LGR6: variants seen among roughly 807,000 people sequenced by gnomAD.
LGR6 encodes leucine-rich repeat-containing G protein-coupled receptor 6.
LGR6 carries 45 observed loss-of-function variants against 69.4 expected under a neutral mutation model. That is an observed-to-expected ratio of 0.65 (90% confidence interval 0.51 to 0.83). The LOEUF (loss-of-function observed/expected upper bound fraction) is 0.83, where lower values mean the gene tolerates loss of function less well. Ranked by LOEUF, LGR6 falls within the 40% of genes least tolerant of loss-of-function variation. The pLI, the probability that LGR6 is intolerant of heterozygous loss-of-function variation, is 0.00. For missense variants in LGR6, 1,108 were observed against 1,246.7 expected (o/e 0.89, Z 1.68); for synonymous variants, 538 against 555.0 (o/e 0.97, Z 0.43).
At chr1:202,306,200 A>G (rs1653172960) in intron 12 of LGR6, among the ~76,000 whole-genome samples, 1 of 152,206 alleles carries the variant, frequency 6.6e-6, no homozygotes, top group African/African-American at 2.4e-5. Context: ...TTACACACAG[A>G]CATACATAAT....
At chr1:202,316,603 T>A (rs1036615670) in intron 17 of LGR6, among the ~76,000 whole-genome samples, 5 of 152,210 alleles carry the variant, frequency 3.3e-5, no homozygotes, top group African/African-American at 1.2e-4. Context: ...TATGTATGTA[T>A]TTTTTAAAGA....
chr1:202,276,232 TG>T, intron 4 of LGR6, 73 bp from the exon 5 acceptor site: 2 of 1,281,714 alleles, frequency 1.6e-6, no homozygotes, highest in Non-Finnish European at 2.2e-6. Context: ...AGGGCCTGGC[TG>T]GCCCAGTCTA....
intron 6 of LGR6, among the ~76,000 whole-genome samples, chr1:202,291,380 G>A (rs1437562587): frequency 6.6e-6 from 1 of 152,216 alleles, no homozygotes; most frequent in African/African-American, 2.4e-5. Context: ...ATCCTGCAAT[G>A]AAAGATACAC....
chr1:202,237,596 G>C (rs975372217), intron 4 of LGR6, among the ~76,000 whole-genome samples: 1 of 152,074 alleles, frequency 6.6e-6, no homozygotes, highest in African/African-American at 2.4e-5. Flanking sequence ...ACTAGGCATG[G>C]AGCTTTTGGG....
intron 1 of LGR6, among the ~76,000 whole-genome samples, chr1:202,222,799 C>T (rs1173899739): frequency 6.6e-6 from 1 of 152,146 alleles, no homozygotes; most frequent in South Asian, 2.1e-4. Context: ...AGGACCAAAC[C>T]CTGGCTTAAA....
At chr1:202,258,502 TG>T (rs1198244017) in intron 4 of LGR6, among the ~76,000 whole-genome samples, 2 of 152,046 alleles carry the variant, frequency 1.3e-5, no homozygotes, top group Non-Finnish European at 2.9e-5. Flanking sequence ...TTATAGTTTT[TG>T]TTTTTTTTCA....
intron 4 of LGR6, among the ~76,000 whole-genome samples, chr1:202,271,836 G>C (rs1044545625): frequency 6.7e-6 from 1 of 149,736 alleles, no homozygotes; most frequent in Non-Finnish European, 1.5e-5. Flanking sequence ...AAAAGAGAGA[G>C]GGGAGAGAGG....
chr1:202,218,454 G>A (rs1298912407), intron 1 of LGR6, among the ~76,000 whole-genome samples: 4 of 152,086 alleles, frequency 2.6e-5, no homozygotes, highest in Admixed American at 1.3e-4. Flanking sequence ...GTGTGCCACC[G>A]GGTCTGGCTA....
intron 4 of LGR6, among the ~76,000 whole-genome samples, chr1:202,244,596 T>C (rs775456052): frequency 3.9e-5 from 6 of 152,102 alleles, no homozygotes; most frequent in African/African-American, 1.2e-4. Context: ...TCTTTCTCTC[T>C]GTGTCTCTCT....
intron 4 of LGR6, among the ~76,000 whole-genome samples, chr1:202,257,881 G>C (rs892412974): frequency 5.3e-5 from 8 of 152,084 alleles, no homozygotes; most frequent in African/African-American, 1.9e-4. Context: ...TGGTAGCATT[G>C]AATCTGTAGA....
At chr1:202,241,132 C>T (rs986962207) in intron 4 of LGR6, among the ~76,000 whole-genome samples, 4 of 152,188 alleles carry the variant, frequency 2.6e-5, no homozygotes, top group Admixed American at 2.0e-4. Context: ...GGGTGACCCT[C>T]CCTGCTTCCC....
chr1:202,198,685 T>G lies in LGR6; in HGVS notation c.212+4484T>G, dbSNP rs796604124. On this transcript the variant is annotated intron_variant, in intron 1 of 17. Transcript: ENST00000367278. ...AATTTTAGGTTTTTTTTTTTTTTTT[T>G]TTTTTTTTTTTAAGAGTACAGTCTG... Among the ~76,000 whole-genome samples, 555 of 136,562 alleles carry G rather than the reference T, an allele frequency of 4.1e-3. 7 individuals carry two copies. The highest frequency in any genetic ancestry group is 0.022 in the South Asian group (92 of 4,224). 89.6% of individuals were successfully genotyped at this position (136,562 alleles called of 152,430 possible). A position where few individuals can be genotyped will look rare whatever the true frequency, so the allele number is the denominator to read the frequency against.
At chr1:202,313,858 T>C (rs1246764974) in intron 16 of LGR6, among the ~76,000 whole-genome samples, 1 of 152,250 alleles carries the variant, frequency 6.6e-6, no homozygotes, top group Non-Finnish European at 1.5e-5. Flanking sequence ...ATTCAAATTA[T>C]TCCCTTCTAG....
intron 1 of LGR6, among the ~76,000 whole-genome samples, chr1:202,194,897 A>T (rs531218103): frequency 1.3e-5 from 2 of 152,282 alleles, no homozygotes; most frequent in Admixed American, 1.3e-4. Context: ...TGAAAACCAG[A>T]GAACCATTTT....
chr1:202,197,662 G>A (rs1464834631), intron 1 of LGR6, among the ~76,000 whole-genome samples: 8 of 151,794 alleles, frequency 5.3e-5, no homozygotes, highest in African/African-American at 1.9e-4. Flanking sequence ...TCATAACAAG[G>A]TTTGAGGGAG....
Position 202,318,173 on chromosome 1 carries a change from C to G in LGR6, c.1870C>G (p.Leu624Val), listed in dbSNP as rs1436355921. The stretch of plus-strand genomic sequence containing the variant: ...TGGCCTTCTAGCCTCAGTCGATGCC[C>G]TGACCTTTGGTCAGTTCTCTGAGTA... ...SCGLLASVDALTFGQFSEYGA... is the reference protein window; with the variant it reads ...SCGLLASVDAVTFGQFSEYGA... The change falls in exon 18 of 18, where the codon CTG (leucine) becomes GTG (valine). Residue 624 changes from leucine (L) to valine (V), a missense_variant. Physicochemically the swap from Leu to Val is conservative, Grantham distance 32. Transcript: ENST00000367278. 6.2e-7 allele frequency: 1 copy of G among 1,613,776 alleles called. No homozygotes were observed. The highest frequency in any genetic ancestry group is 8.5e-7 in the Non-Finnish European group (1 of 1,180,004).
At chr1:202,310,404 G>A in intron 16 of LGR6, 47 bp downstream of exon 16, 1 of 1,561,422 alleles carries the variant, frequency 6.4e-7, no homozygotes, top group Non-Finnish European at 8.7e-7. Flanking sequence ...GGGCTGTGGA[G>A]AGGAAGTTAG....
intron 4 of LGR6, among the ~76,000 whole-genome samples, chr1:202,243,406 A>T (rs1217279903): frequency 6.6e-6 from 1 of 152,174 alleles, no homozygotes; most frequent in Non-Finnish European, 1.5e-5. Context: ...GGCCTTGATC[A>T]GCACCCCCAG....
At chr1:202,315,410 C>T (rs1039398721) in intron 17 of LGR6, among the ~76,000 whole-genome samples, 1 of 152,196 alleles carries the variant, frequency 6.6e-6, no homozygotes, top group African/African-American at 2.4e-5. Context: ...CTTATAGTTG[C>T]GGAAGCCTCC....
Sources: allele counts gnomAD v4.1 joint callset (sites outside exome capture counted in the v4.1 genomes callset), GRCh38; gene constraint gnomAD v4.1.1; transcripts MANE v1.5; gene names NCBI Gene and HGNC (gene_info 2026-07-23, HGNC 2026-07-21).